GALNTL6: variants seen among roughly 807,000 people sequenced by gnomAD.
GALNTL6 encodes polypeptide N-acetylgalactosaminyltransferase like 6.
GALNTL6 carries 46 observed loss-of-function variants against 73.7 expected under a neutral mutation model. The observed-to-expected ratio is 0.62, with a 90% CI of 0.49 to 0.80. The LOEUF (loss-of-function observed/expected upper bound fraction) is 0.80. Ranked by LOEUF, GALNTL6 falls within the 30% of genes least tolerant of loss-of-function variation. The probability of loss-of-function intolerance (pLI) is 0.00; values close to 1 mark genes in which losing one functional copy is unlikely to be tolerated. For synonymous variants in GALNTL6, 259 were observed against 263.7 expected (o/e 0.98, Z 0.17); for missense variants, 604 against 755.0 (o/e 0.80, Z 2.34).
intron 5 of GALNTL6, among the ~76,000 whole-genome samples, chr4:172,456,289 C>T (rs1274700195): frequency 6.6e-6 from 1 of 151,988 alleles, no homozygotes. Flanking sequence ...CAGAACACCT[C>T]TTCTCCTCCG....
At chr4:172,620,998 A>G (rs1007823179) in intron 5 of GALNTL6, among the ~76,000 whole-genome samples, 4 of 152,216 alleles carry the variant, frequency 2.6e-5, no homozygotes, top group Non-Finnish European at 5.9e-5. Context: ...TTTGTGACCT[A>G]GCATTAATAA....
chr4:172,591,014 C>A (rs1315597848), intron 5 of GALNTL6, among the ~76,000 whole-genome samples: 1 of 151,966 alleles, frequency 6.6e-6, no homozygotes, highest in Non-Finnish European at 1.5e-5. Context: ...TTTTAGGATG[C>A]CTTGGCTTAT....
chr4:171,995,812 G>C (rs1436794090), intron 2 of GALNTL6, among the ~76,000 whole-genome samples: 1 of 152,044 alleles, frequency 6.6e-6, no homozygotes, highest in African/African-American at 2.4e-5. Context: ...AAAATATTAT[G>C]TTGGTAGTAG....
chr4:172,442,785 C>T (rs1393346957), intron 5 of GALNTL6, among the ~76,000 whole-genome samples: 2 of 151,892 alleles, frequency 1.3e-5, no homozygotes, highest in South Asian at 2.1e-4. Flanking sequence ...GTGCTATTTG[C>T]CATTAAGATC....
At chr4:172,952,525 G>T (rs1824345) in intron 10 of GALNTL6, among the ~76,000 whole-genome samples, 80,685 of 149,406 alleles carry the variant, frequency 0.54, 21,922 homozygotes, top group African/African-American at 0.59. Context: ...TTTTGTTTTT[G>T]TTTTTTTTGA....
At chr4:172,699,687 C>T (rs1733912720) in intron 5 of GALNTL6, among the ~76,000 whole-genome samples, 1 of 152,154 alleles carries the variant, frequency 6.6e-6, no homozygotes, top group African/African-American at 2.4e-5. Context: ...AGAGAAGGCA[C>T]AGCTACAAAG....
intron 5 of GALNTL6, among the ~76,000 whole-genome samples, chr4:172,349,089 C>T (rs553256324): frequency 1.1e-4 from 17 of 152,228 alleles, no homozygotes; most frequent in South Asian, 2.1e-4. Flanking sequence ...CAGTATGACA[C>T]ATACTCCAGG....
intron 5 of GALNTL6, among the ~76,000 whole-genome samples, chr4:172,421,974 G>A (rs1246919515): frequency 6.6e-6 from 1 of 152,050 alleles, no homozygotes; most frequent in African/African-American, 2.4e-5. Context: ...CAAAAAATTA[G>A]ATGTCCTCAA....
chr4:172,983,609 C>A (rs1254543359), intron 10 of GALNTL6, among the ~76,000 whole-genome samples: 1 of 152,132 alleles, frequency 6.6e-6, no homozygotes, highest in Non-Finnish European at 1.5e-5. Flanking sequence ...GCAGGAGAGT[C>A]ACTTGAACCT....
At chr4:172,300,412 TATG>T (rs1739867368) in intron 3 of GALNTL6, among the ~76,000 whole-genome samples, 1 of 152,194 alleles carries the variant, frequency 6.6e-6, no homozygotes, top group Non-Finnish European at 1.5e-5. Context: ...ATCCTGTCAT[TATG>T]ATGTTAGCTG....
chr4:173,032,522 C>CA (rs1257893618), intron 12 of GALNTL6, among the ~76,000 whole-genome samples: 1 of 150,604 alleles, frequency 6.6e-6, no homozygotes, highest in Non-Finnish European at 1.5e-5. Flanking sequence ...CCCATCTCTA[C>CA]AAAAAAATAC....
intron 2 of GALNTL6, among the ~76,000 whole-genome samples, chr4:172,163,346 C>T (rs753114976): frequency 1.3e-5 from 2 of 151,848 alleles, no homozygotes; most frequent in Non-Finnish European, 2.9e-5. Flanking sequence ...ATTACTTTAT[C>T]CTGTGATTCT....
chr4:172,063,307 T>C (rs72698967), intron 2 of GALNTL6, among the ~76,000 whole-genome samples: 3,070 of 152,290 alleles, frequency 0.02, 36 homozygotes, highest in Non-Finnish European at 0.03. Flanking sequence ...ATAGTAAGTC[T>C]CATCAGCCTC....
At position 172,684,222 on chromosome 4, in the gene GALNTL6, A is replaced by C. The variant is rs1004275095; in HGVS notation, c.554-125139A>C. Among the ~76,000 whole-genome samples, 3 of 152,184 alleles carry C rather than the reference A, an allele frequency of 2.0e-5. No individual in the cohort carries two copies. The East Asian group carries it at 5.8e-4, about 29-fold the overall frequency. On this transcript the variant is annotated intron_variant, in intron 5 of 12. Coordinates refer to ENST00000506823, the MANE Select transcript of GALNTL6 (RefSeq NM_001034845.3). The stretch of plus-strand genomic sequence containing the variant: ...CTCACCTTCTTATAAAAATCATTAG[A>C]GATGATGGCGTACACAGCTTTTTAT...
In GALNTL6 at chr4:173,041,213, T is replaced by TG. The variant is rs1311878539; in HGVS notation, c.*1114dup. On this transcript the variant is annotated 3_prime_UTR_variant, in exon 13 of 13. Transcript: ENST00000506823. Reference sequence around the variant, plus strand: ...TTTTATTTTTTTCTTGTTTTTTTTTTGTAGTGTTGAATTAATGATGTTCTT... The same window carrying TG: ...TTTTATTTTTTTCTTGTTTTTTTTTTGGTAGTGTTGAATTAATGATGTTCTT... 1 of 151,736 alleles carries TG rather than the reference T, an allele frequency of 6.6e-6. No homozygotes were observed. Among genetic ancestry groups the TG allele is most frequent in the Non-Finnish European group, 1.5e-5 (1 of 67,940 alleles). The allele number at this position is 151,736 out of a possible 1,614,324, so 9.4% of individuals were successfully genotyped here.
rs201166263 is a variant in GALNTL6, at chr4:172,329,586, C to T, written c.386+17834C>T. On this transcript the variant is annotated intron_variant, in intron 4 of 12. Transcript: ENST00000506823. ...GGCAGGGAGATTGTAGACCTCAGTACAGAGATCCCACCCAGTGAGGAGGAA... is the reference window on the plus strand; with the variant it reads ...GGCAGGGAGATTGTAGACCTCAGTATAGAGATCCCACCCAGTGAGGAGGAA... Among the ~76,000 whole-genome samples, 121 of 152,172 alleles carry T rather than the reference C, an allele frequency of 8.0e-4. 2 individuals are homozygous for T. In the South Asian group the frequency reaches 0.016, roughly 20 times the overall value.
chr4:172,735,778 A>G (rs1736423171), intron 5 of GALNTL6, among the ~76,000 whole-genome samples: 1 of 152,162 alleles, frequency 6.6e-6, no homozygotes, highest in African/African-American at 2.4e-5. Context: ...TACCAGCCCC[A>G]ATATTTCAAC....
chr4:172,424,674 C>T (rs1731164195), intron 5 of GALNTL6, among the ~76,000 whole-genome samples: 3 of 152,012 alleles, frequency 2.0e-5, no homozygotes, highest in Admixed American at 6.6e-5. Flanking sequence ...CAGAACTCCA[C>T]GGTTGCCCTG....
chr4:172,353,049 A>G (rs886703359), intron 5 of GALNTL6, among the ~76,000 whole-genome samples: 3 of 152,124 alleles, frequency 2.0e-5, no homozygotes, highest in Non-Finnish European at 2.9e-5. Flanking sequence ...GCAGACTCTC[A>G]GTCCTCACCA....
Sources: allele counts gnomAD v4.1 joint callset (sites outside exome capture counted in the v4.1 genomes callset), GRCh38; gene constraint gnomAD v4.1.1; transcripts MANE v1.5; gene names NCBI Gene and HGNC (gene_info 2026-07-23, HGNC 2026-07-21).